Variants in MYO7A observed in about 807,000 individuals in gnomAD.
MYO7A encodes the protein unconventional myosin-VIIa.
In MYO7A, 210 loss-of-function variants were observed where a neutral mutation model predicts 263.8. The ratio of observed to expected loss-of-function variants is 0.80; its 90% CI spans 0.71 to 0.89. The LOEUF (loss-of-function observed/expected upper bound fraction) is 0.89, where lower values mean the gene tolerates loss of function less well. MYO7A is among the 40% of genes least tolerant of loss of function. The pLI is 0.00. For synonymous variants in MYO7A, 1,239 were observed against 1,197.3 expected (o/e 1.03, Z -0.72); for missense variants, 2,820 against 2,968.3 (o/e 0.95, Z 1.16).
At chr11:77,139,313 C>T (rs1393527540) in intron 2 of MYO7A, 5 of 152,244 alleles carry the variant, frequency 3.3e-5, no homozygotes, top group Non-Finnish European at 7.3e-5. Context: ...TTCGAACAGA[C>T]CCATTCTAGG....
At position 77,183,156 on chromosome 11, in the gene MYO7A, A is replaced by T; in HGVS notation, c.3374A>T (p.Glu1125Val). The T allele has an allele frequency of 6.4e-7, 1 of 1,551,464 alleles. No homozygotes were observed. Among genetic ancestry groups the T allele is most frequent in the Non-Finnish European group, 8.7e-7 (1 of 1,147,248 alleles). The change falls in exon 26 of 49, where the codon GAG becomes GTG. Residue 1125 changes from glutamate (E) to valine (V), a missense_variant and splice_region_variant. Physicochemically the swap from Glu to Val is moderately radical, Grantham distance 121. Transcript: ENST00000409709. ...AAAAAGAAGTCCAAGCTCACAGAGGAGGTGAGGGCAGACGCTGGGGGTCTG... is the reference window on the plus strand; with the variant it reads ...AAAAAGAAGTCCAAGCTCACAGAGGTGGTGAGGGCAGACGCTGGGGGTCTG... ...TLKKKSKLTEEVTKRLHDGES... is the reference protein window; with the variant it reads ...TLKKKSKLTEVVTKRLHDGES...
intron 18 of MYO7A, among the ~76,000 whole-genome samples, chr11:77,176,072 G>A (rs1046543733): frequency 6.6e-6 from 1 of 152,222 alleles, no homozygotes; most frequent in Admixed American, 6.5e-5. Context: ...TCCCAGTGCT[G>A]GGCTTCCCCA....
chr11:77,166,058 T>G lies in MYO7A; in HGVS notation c.1693T>G (p.Phe565Val), dbSNP rs781832468. The G allele has an allele frequency of 3.7e-6, 6 of 1,613,258 alleles. No individual in the cohort carries two copies. Among genetic ancestry groups the G allele is most frequent in the African/African-American group, 2.7e-5 (2 of 74,898 alleles). The change falls in exon 15 of 49, where the codon TTC (phenylalanine) becomes GTC (valine). Residue 565 changes from phenylalanine (F) to valine (V), a missense_variant and splice_region_variant. Physicochemically the swap from Phe to Val is conservative, Grantham distance 50. Coordinates refer to ENST00000409709, the MANE Select transcript of MYO7A (RefSeq NM_000260.4). ...TGACTGCTGTTTGCTGCTTGCAGGC[T>G]TCCTGGAGAAGAACCGAGACACCCT... ...AGIVYYETQGFLEKNRDTLHG... is the reference protein window; with the variant it reads ...AGIVYYETQGVLEKNRDTLHG...
intron 4 of MYO7A, 65 bp from the exon 5 acceptor site, chr11:77,155,842 G>C (rs1413721789): frequency 6.8e-7 from 1 of 1,477,378 alleles, no homozygotes; most frequent in African/African-American, 1.4e-5. Flanking sequence ...CAGAGCCCAA[G>C]AGCTTTCTAG....
chr11:77,140,783 C>CCA (rs1951162959), intron 2 of MYO7A, among the ~76,000 whole-genome samples: 1 of 152,186 alleles, frequency 6.6e-6, no homozygotes, highest in Non-Finnish European at 1.5e-5. Flanking sequence ...AGTGAATGCT[C>CCA]AGTAAACAGT....
chr11:77,177,586 A>T lies in MYO7A; in HGVS notation c.2225A>T (p.Lys742Ile), dbSNP rs782417254. The T allele has an allele frequency of 3.1e-6, 5 of 1,612,292 alleles. No homozygotes were observed. The highest frequency in any genetic ancestry group is 4.2e-6 in the Non-Finnish European group (5 of 1,179,468). ...ATGCTGCTGGAAGTGGAGCGGGACA[A>T]AGCCATCACCGACAGAGTCATCCTC... ...HDMLLEVERDKAITDRVILLQ... is the reference protein window; with the variant it reads ...HDMLLEVERDIAITDRVILLQ... Residue 742 changes from lysine (K) to isoleucine (I), a missense_variant, in exon 19 of 49, where the codon AAA becomes ATA. Transcript: ENST00000409709.
intron 45 of MYO7A, among the ~76,000 whole-genome samples, chr11:77,211,586 A>G (rs1443500992): frequency 6.6e-6 from 1 of 152,102 alleles, no homozygotes; most frequent in Non-Finnish European, 1.5e-5. Flanking sequence ...TGTCCTTGAT[A>G]CCCTTTGGTC....
At chr11:77,156,524 C>G in intron 5 of MYO7A, 136 bp from the exon 6 acceptor site, 1 of 1,298,704 alleles carries the variant, frequency 7.7e-7, no homozygotes. Flanking sequence ...GAGCCCTGCC[C>G]CAGCCCTGGA....
rs782518053 is a variant in MYO7A at position 77,156,647 on chromosome 11, C to T, written c.471-13C>T. The T allele has an allele frequency of 3.1e-6, 5 of 1,612,986 alleles. No homozygotes were observed. The South Asian group carries it at 4.4e-5, about 14-fold the overall frequency. On this transcript the variant is annotated splice_polypyrimidine_tract_variant and intron_variant, in intron 5 of 48. Coordinates refer to ENST00000409709, the MANE Select transcript of MYO7A (RefSeq NM_000260.4). ...TGGGTTGTGACAGGTCCTGCCACTC[C>T]CTCCCTCTGCAGTGGGGAATCTGGG...
rs781849885 is a variant in MYO7A at position 77,145,131 on chromosome 11, G to A, written c.132+2309G>A. On this transcript the variant is annotated intron_variant, in intron 3 of 48. Transcript: ENST00000409709. ...GCAAGTCATTTTACCTCTTGAGTCC[G>A]GCTCGTCACTGTTAAATGGGGTCAG... is the stretch of plus-strand genomic sequence containing the variant. Among the ~76,000 whole-genome samples, 13 of 152,210 alleles carry A rather than the reference G, an allele frequency of 8.5e-5. No individual in the cohort carries two copies. The East Asian group carries it at 9.6e-4, about 11-fold the overall frequency.
chr11:77,211,782 C>A (rs1261350610), intron 45 of MYO7A, 39 bp from the exon 46 acceptor site: 1 of 1,539,956 alleles, frequency 6.5e-7, no homozygotes, highest in Non-Finnish European at 9.0e-7. Flanking sequence ...AGGCCTGTCC[C>A]CAGGACTGAG....
Position 77,211,141 on chromosome 11 carries a change from G to C in MYO7A, c.6052-11G>C, listed in dbSNP as rs112564978. The C allele has an allele frequency of 3.5e-3, 5,515 of 1,561,020 alleles. 170 individuals are homozygous for C. The African/African-American group carries it at 0.061, about 17-fold the overall frequency. Reference sequence around the variant, plus strand: ...TCCCTGCACGCCTGTGACCTGCTCTGTCTCTGACAGGAGTTGCCCAAGTAT... The same window carrying C: ...TCCCTGCACGCCTGTGACCTGCTCTCTCTCTGACAGGAGTTGCCCAAGTAT... On this transcript the variant is annotated splice_polypyrimidine_tract_variant and intron_variant, in intron 44 of 48. Transcript: ENST00000409709.
intron 2 of MYO7A, among the ~76,000 whole-genome samples, chr11:77,135,639 A>G (rs199515813): frequency 6.6e-6 from 1 of 152,274 alleles, no homozygotes; most frequent in African/African-American, 2.4e-5. Context: ...TTTTTTAGGA[A>G]CTGCCATAGT....
rs1565442214 is a variant in MYO7A, at chr11:77,192,929, TTGTTTGTGATGGTGGAGGTAGTGA to T, written c.4152+654_4152+677del. Among the ~76,000 whole-genome samples the T allele has an allele frequency of 2.7e-3, 196 of 73,512 alleles. 2 individuals are homozygous for T. Among genetic ancestry groups the T allele is most frequent in the African/African-American group, 0.012 (182 of 15,502 alleles). The allele number at this position is 73,512 out of a possible 152,430, so 48.2% of individuals were successfully genotyped here. On this transcript the variant is annotated intron_variant, in intron 31 of 48. Transcript: ENST00000409709. Reference sequence around the variant, plus strand: ...GTGATGGTGGAGGGTAGTGATGGTGTTGTTTGTGATGGTGGAGGTAGTGATGGTGTTGGTGATGGTGGAGGTAGT... The same window carrying T: ...GTGATGGTGGAGGGTAGTGATGGTGTTGGTGTTGGTGATGGTGGAGGTAGT...
chr11:77,163,013 T>C (rs782232390), intron 14 of MYO7A, 25 bp downstream of exon 14: 11 of 1,611,908 alleles, frequency 6.8e-6, no homozygotes, highest in Admixed American at 1.7e-5. Context: ...CGGCTGTCTG[T>C]CACTCCCTGC....
At chr11:77,201,991 C>G (rs896422911) in intron 36 of MYO7A, among the ~76,000 whole-genome samples, 6 of 152,140 alleles carry the variant, frequency 3.9e-5, no homozygotes, top group Non-Finnish European at 7.4e-5. Context: ...GCCCAGCTTC[C>G]CTAGTGGCTC....
chr11:77,166,029 G>C (rs782135827), intron 14 of MYO7A, 27 bp from the exon 15 acceptor site: 1 of 1,570,098 alleles, frequency 6.4e-7, no homozygotes, highest in Non-Finnish European at 8.8e-7. Context: ...GAGCTGGTGA[G>C]AGGTGACTGC....
At chr11:77,198,718 C>T in intron 34 of MYO7A, 97 bp downstream of exon 34, 1 of 1,549,372 alleles carries the variant, frequency 6.5e-7, no homozygotes, top group South Asian at 1.2e-5. Flanking sequence ...CATGAAGTGG[C>T]CTGCCTGGTT....
chr11:77,193,932 C>A, intron 31 of MYO7A: 1 of 447,472 alleles, frequency 2.2e-6, no homozygotes. Flanking sequence ...TGATGCACTT[C>A]CCTCACTCTG....
Sources: allele counts gnomAD v4.1 joint callset (sites outside exome capture counted in the v4.1 genomes callset), GRCh38; gene constraint gnomAD v4.1.1; transcripts MANE v1.5; gene names NCBI Gene and HGNC (gene_info 2026-07-23, HGNC 2026-07-21).